MYBL2: variants seen among roughly 807,000 people sequenced by gnomAD.
MYBL2 encodes myb-related protein B.
A neutral mutation model predicts 79.9 loss-of-function variants in MYBL2; 28 were observed. The ratio of observed to expected loss-of-function variants is 0.35; its 90% confidence interval spans 0.26 to 0.48. The LOEUF is 0.48. Ranked by LOEUF, MYBL2 falls within the 20% of genes least tolerant of loss-of-function variation. The probability of loss-of-function intolerance (pLI) is 0.99; values close to 1 mark genes in which losing one functional copy is unlikely to be tolerated. For synonymous variants in MYBL2, 378 were observed against 361.2 expected, an observed-to-expected ratio of 1.05 and a Z score of -0.53; for missense variants, 735 against 893.9, an observed-to-expected ratio of 0.82 and a Z score of 2.27.
At chr20:43,704,030 C>T (rs1422202286) in intron 8 of MYBL2, among the ~76,000 whole-genome samples, 5 of 152,108 alleles carry the variant, frequency 3.3e-5, no homozygotes, top group East Asian at 3.9e-4. Context: ...TTTTGAGAGT[C>T]GCTCTGTTGC....
rs778717059 is a variant in MYBL2, at chr20:43,710,011, G to A, written c.1554G>A (p.Thr518=). 22 of 1,609,668 alleles carry A rather than the reference G, an allele frequency of 1.4e-5. No homozygotes were observed. In the Middle Eastern group the frequency reaches 4.9e-4, roughly 36 times the overall value. The stretch of plus-strand genomic sequence containing the variant: ...ACTCCATGGACAACACTCCCCACAC[G>A]CCAACCCCGTTCAAGAACGCCCTGG... The part of the protein sequence containing the change: ...QKYSMDNTPH[T]PTPFKNALEK... The change falls in exon 10 of 14, where the codon ACG becomes ACA. Residue 518 remains threonine, a synonymous_variant. Transcript: ENST00000217026.
intron 11 of MYBL2, 29 bp from the exon 12 acceptor site, chr20:43,712,973 C>CT: frequency 6.4e-7 from 1 of 1,559,744 alleles, no homozygotes; most frequent in African/African-American, 1.3e-5. Context: ...GACACTCACC[C>CT]TAACCCCCTT....
Position 43,667,263 on chromosome 20 carries a change from G to A in MYBL2, c.-21G>A. 2 of 1,221,942 alleles carry A rather than the reference G, an allele frequency of 1.6e-6. No homozygotes were observed. The highest frequency in any genetic ancestry group is 2.0e-6 in the Non-Finnish European group (2 of 981,474). 75.7% of individuals were successfully genotyped at this position (1,221,942 alleles called of 1,614,324 possible). A position where few individuals can be genotyped will look rare whatever the true frequency, so the allele number is the denominator to read the frequency against. On this transcript the variant is annotated 5_prime_UTR_variant, in exon 1 of 14. Transcript: ENST00000217026. ...GCTCTGCCGGCGGGCGGGCGAGCGC[G>A]GCGCGGTCCGGGCCGGGGGGATGTC...
chr20:43,673,326 A>G (rs1389733671), intron 1 of MYBL2, among the ~76,000 whole-genome samples: 2 of 150,906 alleles, frequency 1.3e-5, no homozygotes, highest in East Asian at 2.0e-4. Context: ...TCTTAACCCT[A>G]TTTCATTAAA....
chr20:43,683,577 G>A (rs1165074538), intron 4 of MYBL2, among the ~76,000 whole-genome samples: 1 of 143,038 alleles, frequency 7.0e-6, no homozygotes, highest in African/African-American at 2.6e-5. Flanking sequence ...TTTTTGAGAC[G>A]GAGTCTTGCT....
intron 6 of MYBL2, among the ~76,000 whole-genome samples, chr20:43,693,959 G>T (rs1416269234): frequency 6.6e-6 from 1 of 151,932 alleles, no homozygotes; most frequent in Non-Finnish European, 1.5e-5. Context: ...GAGGTGGAAG[G>T]ATTATTTGAG....
At chr20:43,676,252 C>T (rs1260550983) in intron 2 of MYBL2, among the ~76,000 whole-genome samples, 1 of 151,096 alleles carries the variant, frequency 6.6e-6, no homozygotes, top group East Asian at 1.9e-4. Flanking sequence ...CATCCTCCTC[C>T]CACCCTCCAC....
chr20:43,682,799 C>CACTG lies in MYBL2; in HGVS notation c.195_198dup (p.Gln67Ter). The CACTG allele has an allele frequency of 6.2e-7, 1 of 1,613,960 alleles. No individual in the cohort carries two copies. The highest frequency in any genetic ancestry group is 8.5e-7 in the Non-Finnish European group (1 of 1,179,850). On this transcript the variant is annotated frameshift_variant, in exon 4 of 14. Coordinates refer to ENST00000217026, the MANE Select transcript of MYBL2 (RefSeq NM_002466.4). LOFTEE classifies it high-confidence loss of function. Reference sequence around the variant, plus strand: ...TTCTTCTGTTCTTTTCCCAGAACCGCACTGACCAGCAATGCCAGTACAGGT... The same window carrying CACTG: ...TTCTTCTGTTCTTTTCCCAGAACCGCACTGACTGACCAGCAATGCCAGTACAGGT...
At chr20:43,689,688 G>A (rs1045679796) in intron 5 of MYBL2, among the ~76,000 whole-genome samples, 5 of 152,190 alleles carry the variant, frequency 3.3e-5, no homozygotes, top group African/African-American at 1.2e-4. Flanking sequence ...AGAGTAGTGT[G>A]TACCCCAGTT....
At chr20:43,676,839 C>A (rs2145709529) in intron 2 of MYBL2, among the ~76,000 whole-genome samples, 1 of 150,444 alleles carries the variant, frequency 6.6e-6, no homozygotes, top group South Asian at 2.1e-4. Flanking sequence ...GTTTTCAACC[C>A]ATAGTTAACA....
intron 6 of MYBL2, among the ~76,000 whole-genome samples, chr20:43,694,781 G>C (rs79588427): frequency 6.6e-6 from 1 of 152,170 alleles, no homozygotes; most frequent in South Asian, 2.1e-4. Context: ...CATCTAAGTA[G>C]TATGTGTTTG....
At chr20:43,668,563 T>A (rs755966602) in intron 1 of MYBL2, among the ~76,000 whole-genome samples, 16 of 152,044 alleles carry the variant, frequency 1.1e-4, no homozygotes, top group Non-Finnish European at 2.2e-4. Context: ...CCCTCTAGAT[T>A]TTTGCCCTTT....
chr20:43,673,246 CTTTT>C (rs3091633), intron 1 of MYBL2, among the ~76,000 whole-genome samples: 17 of 145,074 alleles, frequency 1.2e-4, no homozygotes, highest in Non-Finnish European at 1.5e-4. Context: ...TGCCTGGCCT[CTTTT>C]TTTTTTTTTT....
chr20:43,674,663 G>A (rs542954232), intron 2 of MYBL2, among the ~76,000 whole-genome samples: 67 of 151,356 alleles, frequency 4.4e-4, no homozygotes, highest in Admixed American at 7.2e-4. Context: ...CATAGTGCTG[G>A]GATTACAGGC....
intron 4 of MYBL2, among the ~76,000 whole-genome samples, chr20:43,686,131 A>G (rs187357314): frequency 5.3e-5 from 8 of 152,372 alleles, no homozygotes; most frequent in African/African-American, 1.4e-4. Context: ...TTTAAACCAT[A>G]CAGAAGTGAA....
At chr20:43,712,173 G>A (rs923536253) in intron 11 of MYBL2, among the ~76,000 whole-genome samples, 3 of 152,104 alleles carry the variant, frequency 2.0e-5, no homozygotes, top group African/African-American at 7.2e-5. Context: ...CCAAGCCTCC[G>A]TTCTATGCCA....
chr20:43,715,944 C>G lies in MYBL2; in HGVS notation c.1975-15C>G, dbSNP rs751012856. 3 of 1,606,292 alleles carry G rather than the reference C, an allele frequency of 1.9e-6. No individual in the cohort carries two copies. Among genetic ancestry groups the G allele is most frequent in the Non-Finnish European group, 2.5e-6 (3 of 1,177,634 alleles). On this transcript the variant is annotated splice_polypyrimidine_tract_variant and intron_variant, in intron 13 of 13. Coordinates refer to ENST00000217026, the MANE Select transcript of MYBL2 (RefSeq NM_002466.4). The stretch of plus-strand genomic sequence containing the variant: ...TAGTCCCTGCCTGGATGGTAACCCT[C>G]TTGCCTCCTCCCAGATGTCCAGTGC...
Position 43,692,331 on chromosome 20 carries a change from G to C in MYBL2, c.663+12G>C. On this transcript the variant is annotated intron_variant, in intron 6 of 13. Coordinates refer to ENST00000217026, the MANE Select transcript of MYBL2 (RefSeq NM_002466.4). Reference sequence around the variant, plus strand: ...CCACGGAAGGCCAGGTGAGACAGCTGCTCAGCCTTTGGCTTGGTTTGATTT... The same window carrying C: ...CCACGGAAGGCCAGGTGAGACAGCTCCTCAGCCTTTGGCTTGGTTTGATTT... 1 of 1,613,740 alleles carries C rather than the reference G, an allele frequency of 6.2e-7. No individual in the cohort carries two copies. The highest frequency in any genetic ancestry group is 8.5e-7 in the Non-Finnish European group (1 of 1,179,770).
chr20:43,710,703 G>A (rs1388074379), intron 10 of MYBL2, among the ~76,000 whole-genome samples: 1 of 152,202 alleles, frequency 6.6e-6, no homozygotes, highest in Non-Finnish European at 1.5e-5. Context: ...ACTGCATGGA[G>A]CCTCCTATGA....
Sources: allele counts gnomAD v4.1 joint callset (sites outside exome capture counted in the v4.1 genomes callset), GRCh38; gene constraint gnomAD v4.1.1; transcripts MANE v1.5; gene names NCBI Gene and HGNC (gene_info 2026-07-23, HGNC 2026-07-21).